Variants in MYH3 observed in about 807,000 individuals in gnomAD.
The protein encoded by MYH3 is myosin-3.
In MYH3, 130 loss-of-function variants were observed where a neutral mutation model predicts 238.0. The observed-to-expected ratio is 0.55, with a 90% CI of 0.47 to 0.63. MYH3 has a LOEUF of 0.63. Ranked by LOEUF, MYH3 falls within the 30% of genes least tolerant of loss-of-function variation. MYH3 has a pLI of 0.00. For synonymous variants in MYH3, 880 were observed against 924.1 expected, an observed-to-expected ratio of 0.95 and a Z score of 0.86; for missense variants, 1,853 against 2,374.9, an observed-to-expected ratio of 0.78 and a Z score of 4.57.
In MYH3 at chr17:10,645,377, A is replaced by T. The variant is rs990548761; in HGVS notation, c.1141+330T>A. On this transcript the variant is annotated intron_variant, in intron 12 of 40. Coordinates refer to ENST00000583535, the MANE Select transcript of MYH3 (RefSeq NM_002470.4). ...AACCCAGGCAGCAGAGGTTGCAGTGAGCTGAGATCATGCCACTGCACTCTA... is the reference window on the plus strand; with the variant it reads ...AACCCAGGCAGCAGAGGTTGCAGTGTGCTGAGATCATGCCACTGCACTCTA... Among the ~76,000 whole-genome samples the T allele has an allele frequency of 4.6e-5, 7 of 152,000 alleles. No homozygotes were observed. The East Asian group carries it at 1.4e-3, about 30-fold the overall frequency.
At chr17:10,673,828 G>A in the MYH3 span, 1 of 152,322 alleles carries the variant, frequency 6.6e-6, no homozygotes, top group African/African-American at 2.4e-5. Flanking sequence ...GGTATACTGT[G>A]CTGAATAGAA....
the MYH3 span, among the ~76,000 whole-genome samples, chr17:10,671,173 G>A: frequency 0.012 from 1,852 of 152,272 alleles, 13 homozygotes; most frequent in African/African-American, 0.015. Context: ...GATTACAGGC[G>A]TGAGCCACCA....
chr17:10,631,667 C>G lies in MYH3; in HGVS notation c.5230G>C (p.Asp1744His), dbSNP rs992371150. ...DLMQLQSEVEDASRDARNAEE... is the reference protein window; with the variant it reads ...DLMQLQSEVEHASRDARNAEE... ...GCGTTCCTTGCATCCCTGCTGGCAT[C>G]TTCTACCTCACTCTGGAGCTGCATG... Residue 1744 changes from aspartate (D) to histidine (H), a missense_variant, in exon 36 of 41, where the codon GAT (aspartate) becomes CAT (histidine). Transcript: ENST00000583535. 1 of 1,614,166 alleles carries G rather than the reference C, an allele frequency of 6.2e-7. No homozygotes were observed. Among genetic ancestry groups the G allele is most frequent in the Non-Finnish European group, 8.5e-7 (1 of 1,180,022 alleles).
At chr17:10,656,629 G>C (rs1016294354) in intron 1 of MYH3, among the ~76,000 whole-genome samples, 6 of 152,118 alleles carry the variant, frequency 3.9e-5, no homozygotes, top group Admixed American at 3.9e-4. Context: ...CAGGAAGCCA[G>C]GCAGGGAGGA....
Position 10,638,932 on chromosome 17 carries a change from T to C in MYH3, c.3280A>G (p.Lys1094Glu), listed in dbSNP as rs2074243219. The part of the protein sequence containing the change: ...KDFEYCQLQS[K>E]VEDEQTLGLQ... Reference sequence around the variant, plus strand: ...CCCAGTGTCTGCTCATCTTCCACTTTGCTTTGAAGTTGACAATATTCAAAA... The same window carrying C: ...CCCAGTGTCTGCTCATCTTCCACTTCGCTTTGAAGTTGACAATATTCAAAA... The change falls in exon 26 of 41, where the codon AAA (lysine) becomes GAA (glutamate). Residue 1094 changes from lysine (K) to glutamate (E), a missense_variant. Physicochemically the swap from Lys to Glu is moderately conservative, Grantham distance 56. This residue lies in a region of MYH3 where 1,044 missense variants were observed against 1,192.6 expected (regional missense o/e 0.88). Transcript: ENST00000583535. The C allele has an allele frequency of 6.2e-7, 1 of 1,614,220 alleles. No individual in the cohort carries two copies. The highest frequency in any genetic ancestry group is 8.5e-7 in the Non-Finnish European group (1 of 1,180,038).
At chr17:10,631,060 G>C (rs530270788) in intron 36 of MYH3, among the ~76,000 whole-genome samples, 1 of 152,290 alleles carries the variant, frequency 6.6e-6, no homozygotes, top group Non-Finnish European at 1.5e-5. Context: ...CTGCCCCAGG[G>C]AAATTCTTTT....
rs1368737490 is a variant in MYH3 at position 10,652,582 on chromosome 17, A to G, written c.205-19T>C. The G allele has an allele frequency of 2.9e-6, 4 of 1,394,568 alleles. No homozygotes were observed. Among genetic ancestry groups the G allele is most frequent in the Non-Finnish European group, 4.0e-6 (4 of 1,006,084 alleles). The allele number at this position is 1,394,568 out of a possible 1,614,324, so 86.4% of individuals were successfully genotyped here. On this transcript the variant is annotated intron_variant, in intron 3 of 40. Coordinates refer to ENST00000583535, the MANE Select transcript of MYH3 (RefSeq NM_002470.4). Reference sequence around the variant, plus strand: ...CCAGGGTCTAAAAAGGAAGAGGCACAGTGCTTCACTAAGATGGTCTGCACG... The same window carrying G: ...CCAGGGTCTAAAAAGGAAGAGGCACGGTGCTTCACTAAGATGGTCTGCACG...
At chr17:10,636,195 C>T (rs530457167) in intron 28 of MYH3, among the ~76,000 whole-genome samples, 2 of 151,136 alleles carry the variant, frequency 1.3e-5, no homozygotes, top group African/African-American at 4.9e-5. Flanking sequence ...GTCATGGGCA[C>T]CTGTAGTCCC....
intron 40 of MYH3, 62 bp from the exon 41 acceptor site, chr17:10,628,741 C>T (rs944325141): frequency 3.8e-6 from 6 of 1,576,588 alleles, no homozygotes; most frequent in African/African-American, 1.3e-5. Flanking sequence ...CCACCCACCA[C>T]TTCTGCCGGC....
chr17:10,658,186 A>T (rs907423981), upstream of MYH3, among the ~76,000 whole-genome samples: 1 of 152,228 alleles, frequency 6.6e-6, no homozygotes, highest in Non-Finnish European at 1.5e-5. Context: ...TCTCTAAATC[A>T]GGAGTGGAAA....
At position 10,641,379 on chromosome 17, in the gene MYH3, G is replaced by GA. The variant is rs3216884; in HGVS notation, c.1960-8dup. 63,570 of 1,515,778 alleles carry GA rather than the reference G, an allele frequency of 0.042. 1,123 individuals carry two copies. Among genetic ancestry groups the GA allele is most frequent in the African/African-American group, 0.13 (9,292 of 71,938 alleles). 93.9% of individuals were successfully genotyped at this position (1,515,778 alleles called of 1,614,324 possible). On this transcript the variant is annotated splice_region_variant and splice_polypyrimidine_tract_variant and intron_variant, in intron 17 of 40. Coordinates refer to ENST00000583535, the MANE Select transcript of MYH3 (RefSeq NM_002470.4). The stretch of plus-strand genomic sequence containing the variant: ...TCAGCTTGTTCAGGTTTTCCTAAGA[G>GA]AAAAAAAAAATGACATTTGCCATCC...
At chr17:10,659,939 T>C (rs2074468189), upstream of MYH3, among the ~76,000 whole-genome samples, 1 of 152,164 alleles carries the variant, frequency 6.6e-6, no homozygotes, top group African/African-American at 2.4e-5. Context: ...ATATCAGGAA[T>C]CACAAAGTCT....
At chr17:10,640,826 T>C (rs2142401254) in intron 19 of MYH3, 140 bp from the exon 20 acceptor site, 3 of 1,105,068 alleles carry the variant, frequency 2.7e-6, no homozygotes, top group East Asian at 5.1e-5. Context: ...GTCACATTGC[T>C]AGAGAGCAGT....
chr17:10,649,765 C>T (rs1018916402), intron 6 of MYH3, 80 bp from the exon 7 acceptor site: 4 of 1,282,010 alleles, frequency 3.1e-6, no homozygotes, highest in African/African-American at 1.5e-5. Flanking sequence ...ATACTGAGGC[C>T]TGGGCATGGT....
chr17:10,644,726 CT>C, intron 12 of MYH3, 24 bp from the exon 13 acceptor site: 1 of 1,551,456 alleles, frequency 6.4e-7, no homozygotes, highest in South Asian at 1.1e-5. Flanking sequence ...AAGGACAGTG[CT>C]TAGAAAAGTA....
rs2074143071 is a variant in MYH3 at position 10,630,374 on chromosome 17, C to T, written c.5371G>A (p.Val1791Met). 6.2e-7 allele frequency: 1 copy of T among 1,614,082 alleles called. No individual in the cohort carries two copies. Among genetic ancestry groups the T allele is most frequent in the Non-Finnish European group, 8.5e-7 (1 of 1,180,042 alleles). The change falls in exon 37 of 41, where the codon GTG becomes ATG. Residue 1791 changes from valine (V) to methionine (M), a missense_variant. This residue lies in a region of MYH3 where 1,044 missense variants were observed against 1,192.6 expected (regional missense o/e 0.88). Coordinates refer to ENST00000583535, the MANE Select transcript of MYH3 (RefSeq NM_002470.4). The part of the protein sequence containing the change: ...ERMKKNLEQT[V>M]KDLQHRLDEA... ...TCTAGACGATGCTGCAGGTCCTTCACCGTCTGTTCCAGGTTCTTCTTCATC... is the reference window on the plus strand; with the variant it reads ...TCTAGACGATGCTGCAGGTCCTTCATCGTCTGTTCCAGGTTCTTCTTCATC...
chr17:10,672,572 C>T, the MYH3 span: 22 of 152,150 alleles, frequency 1.4e-4, no homozygotes, highest in African/African-American at 4.3e-4. Context: ...AGTTGTGCAG[C>T]GACCACTACC....
At chr17:10,633,531 C>T in intron 33 of MYH3, 60 bp downstream of exon 33, 1 of 1,605,816 alleles carries the variant, frequency 6.2e-7, no homozygotes, top group Non-Finnish European at 8.5e-7. Flanking sequence ...AGCAGCCAGC[C>T]TCCCTGGCCG....
chr17:10,631,349 A>G (rs2074154872), intron 36 of MYH3, among the ~76,000 whole-genome samples: 1 of 152,240 alleles, frequency 6.6e-6, no homozygotes, highest in Non-Finnish European at 1.5e-5. Flanking sequence ...CATATTTGGA[A>G]TAAGTCAGAT....
Sources: gnomAD v4.1 joint callset for allele counts (sites outside exome capture counted in the v4.1 genomes callset) on GRCh38, gnomAD v4.1.1 for gene constraint, gnomAD v4.1.1 regional missense constraint, MANE v1.5 for transcripts, NCBI Gene and HGNC (gene_info 2026-07-23, HGNC 2026-07-21) for gene names.